The following KYAT3 variants were observed in gnomAD, a reference collection of about 807,000 sequenced individuals.
The protein encoded by KYAT3 is kynurenine--oxoglutarate transaminase 3.
A neutral mutation model predicts 59.0 loss-of-function variants in KYAT3; 50 were observed. That is an observed-to-expected ratio of 0.85 (90% CI 0.68 to 1.07). The LOEUF (loss-of-function observed/expected upper bound fraction) is 1.07. KYAT3 is among the 50% of genes least tolerant of loss of function. KYAT3 has a pLI of 0.00. For missense variants in KYAT3, 497 were observed against 533.3 expected, an observed-to-expected ratio of 0.93 and a Z score of 0.67; for synonymous variants, 148 against 177.0, an observed-to-expected ratio of 0.84 and a Z score of 1.30.
At chr1:88,970,890 T>C (rs942185718) in intron 2 of KYAT3, among the ~76,000 whole-genome samples, 3 of 152,176 alleles carry the variant, frequency 2.0e-5, no homozygotes, top group Non-Finnish European at 4.4e-5. Context: ...CATTCTATTC[T>C]AAATAATGGG....
chr1:88,945,150 A>AC (rs1451871236), intron 11 of KYAT3, among the ~76,000 whole-genome samples: 1 of 148,230 alleles, frequency 6.7e-6, no homozygotes, highest in African/African-American at 2.5e-5. Context: ...TGCCAGAAAA[A>AC]AGTAACGTAA....
chr1:88,963,442 AATAAC>A (rs1165553640), intron 5 of KYAT3, among the ~76,000 whole-genome samples: 1 of 152,222 alleles, frequency 6.6e-6, no homozygotes, highest in East Asian at 1.9e-4. Context: ...GTTGTAAAAG[AATAAC>A]ATAACACAAA....
chr1:88,929,540 A>G, the KYAT3 span, among the ~76,000 whole-genome samples: 3 of 152,196 alleles, frequency 2.0e-5, no homozygotes, highest in African/African-American at 7.2e-5. Context: ...TTGGCCAGGC[A>G]TTAGCCCAAG....
the KYAT3 span, among the ~76,000 whole-genome samples, chr1:88,924,212 A>G: frequency 5.9e-5 from 9 of 152,170 alleles, no homozygotes; most frequent in South Asian, 1.5e-3. Flanking sequence ...TGGCCACTCC[A>G]CCTCCCACTC....
intron 2 of KYAT3, among the ~76,000 whole-genome samples, chr1:88,977,369 T>C (rs1676833121): frequency 6.6e-6 from 1 of 152,134 alleles, no homozygotes; most frequent in African/African-American, 2.4e-5. Context: ...GCCCAGCTAA[T>C]TTTTGTATTT....
chr1:88,948,403 T>C (rs1198738366), intron 11 of KYAT3, among the ~76,000 whole-genome samples: 2 of 152,352 alleles, frequency 1.3e-5, no homozygotes, highest in South Asian at 2.1e-4. Flanking sequence ...AAGTTATATA[T>C]GACACATTAT....
At chr1:88,971,388 G>A (rs1557697778) in intron 2 of KYAT3, among the ~76,000 whole-genome samples, 1 of 151,896 alleles carries the variant, frequency 6.6e-6, no homozygotes, top group Non-Finnish European at 1.5e-5. Context: ...AATAGTCTAT[G>A]TTCTCTCTCA....
chr1:88,962,232 A>G lies in KYAT3; in HGVS notation c.454-87T>C, dbSNP rs1676177038. On this transcript the variant is annotated intron_variant, in intron 5 of 13. Transcript: ENST00000260508. The stretch of plus-strand genomic sequence containing the variant: ...GTACCTACTATGGGCTAGGCACTGT[A>G]CTATGTGTTGGGATACAGCAGTGAA... The G allele has an allele frequency of 4.9e-6, 5 of 1,014,282 alleles. No homozygotes were observed. The East Asian group carries it at 1.3e-4, about 25-fold the overall frequency. The allele number at this position is 1,014,282 out of a possible 1,614,324, so 62.8% of individuals were successfully genotyped here.
In KYAT3 at chr1:88,953,049, A is replaced by AC; in HGVS notation, c.954+13dup. 1 of 1,498,182 alleles carries AC rather than the reference A, an allele frequency of 6.7e-7. No individual in the cohort carries two copies. Among genetic ancestry groups the AC allele is most frequent in the Non-Finnish European group, 9.3e-7 (1 of 1,074,916 alleles). 92.8% of individuals were successfully genotyped at this position (1,498,182 alleles called of 1,614,324 possible). Reference sequence around the variant, plus strand: ...AAAGACAATGCTTCTACCCTGAGTTACTATAACACTTACCTGTAAAGGAGT... The same window carrying AC: ...AAAGACAATGCTTCTACCCTGAGTTACCTATAACACTTACCTGTAAAGGAGT... On this transcript the variant is annotated intron_variant, in intron 10 of 13. Transcript: ENST00000260508.
At chr1:88,943,219 C>T in intron 12 of KYAT3, 128 bp from the exon 13 acceptor site, 3 of 1,025,774 alleles carry the variant, frequency 2.9e-6, no homozygotes, top group East Asian at 2.5e-5. Flanking sequence ...AAGAAAAATG[C>T]TTTTAAAAGC....
At chr1:88,937,408 T>C (rs376338392) in intron 13 of KYAT3, among the ~76,000 whole-genome samples, 34 of 152,100 alleles carry the variant, frequency 2.2e-4, no homozygotes, top group Admixed American at 3.9e-4. Context: ...CATACAGAAG[T>C]ATTGATTAAA....
chr1:88,985,946 T>G (rs1183000424), intron 2 of KYAT3, among the ~76,000 whole-genome samples: 1 of 151,282 alleles, frequency 6.6e-6, no homozygotes, highest in African/African-American at 2.4e-5. Flanking sequence ...TTTGGGAGGC[T>G]GAGGAGGGTG....
At chr1:88,972,029 A>T (rs759123859) in intron 2 of KYAT3, among the ~76,000 whole-genome samples, 7 of 152,254 alleles carry the variant, frequency 4.6e-5, no homozygotes, top group Non-Finnish European at 1.0e-4. Flanking sequence ...ATAAAGAATG[A>T]AACACTTCTA....
At chr1:88,964,246 T>C (rs1196591520) in intron 5 of KYAT3, among the ~76,000 whole-genome samples, 1 of 152,148 alleles carries the variant, frequency 6.6e-6, no homozygotes, top group Non-Finnish European at 1.5e-5. Flanking sequence ...ATGGGATGGC[T>C]TATACAATTA....
chr1:88,968,963 C>A, intron 3 of KYAT3, 149 bp from the exon 4 acceptor site: 1 of 571,518 alleles, frequency 1.7e-6, no homozygotes, highest in Non-Finnish European at 3.0e-6. Context: ...AAAAATTTAC[C>A]AACCACAAAT....
intron 2 of KYAT3, among the ~76,000 whole-genome samples, chr1:88,970,450 C>T (rs772715255): frequency 2.0e-4 from 30 of 152,306 alleles, no homozygotes; most frequent in South Asian, 1.0e-3. Context: ...TAAACCCAAA[C>T]AGGTTCAACT....
chr1:88,943,309 A>T, intron 12 of KYAT3, 41 bp downstream of exon 12: 1 of 1,253,400 alleles, frequency 8.0e-7, no homozygotes, highest in Non-Finnish European at 1.2e-6. Context: ...AAAATTAACT[A>T]TAAAATATAA....
intron 13 of KYAT3, among the ~76,000 whole-genome samples, chr1:88,942,231 T>C (rs545723020): frequency 6.6e-6 from 1 of 152,150 alleles, no homozygotes; most frequent in East Asian, 1.9e-4. Context: ...TAGCAGATAT[T>C]AGACTTTTAA....
chr1:88,976,045 A>G (rs973150481), intron 2 of KYAT3, among the ~76,000 whole-genome samples: 26 of 143,066 alleles, frequency 1.8e-4, no homozygotes, highest in Non-Finnish European at 3.0e-4. Context: ...AGAAAAAAAA[A>G]AGAGTATATG....
Sources: allele counts gnomAD v4.1 joint callset (sites outside exome capture counted in the v4.1 genomes callset), GRCh38; gene constraint gnomAD v4.1.1; transcripts MANE v1.5; gene names NCBI Gene and HGNC (gene_info 2026-07-23, HGNC 2026-07-21).